The following TTC7B variants were observed in gnomAD, a reference collection of about 807,000 sequenced individuals.
TTC7B encodes tetratricopeptide repeat protein 7B.
Under a neutral mutation model 106.8 loss-of-function variants are expected in TTC7B, and 28 were observed. The ratio of observed to expected loss-of-function variants is 0.26; its 90% CI spans 0.19 to 0.36. The LOEUF (loss-of-function observed/expected upper bound fraction) is 0.36. Among genes scored for constraint, TTC7B ranks in the 10% least tolerant of loss-of-function variants. TTC7B has a pLI of 1.00. For synonymous variants in TTC7B, 405 were observed against 430.6 expected (o/e 0.94, Z 0.74); for missense variants, 862 against 1,076.4 (o/e 0.80, Z 2.79).
intron 19 of TTC7B, among the ~76,000 whole-genome samples, chr14:90,548,193 G>C (rs1425682965): frequency 6.6e-6 from 1 of 152,218 alleles, no homozygotes; most frequent in Non-Finnish European, 1.5e-5. Flanking sequence ...GCAGTGAGCT[G>C]TCCCTCACCA....
rs943365950 is a variant in TTC7B, at chr14:90,534,928, T to C, written c.*6440A>G. The C allele has an allele frequency of 1.3e-4, 20 of 152,440 alleles. No homozygotes were observed. The highest frequency in any genetic ancestry group is 4.8e-4 in the African/African-American group (20 of 41,372). The allele number at this position is 152,440 out of a possible 1,614,324, so 9.4% of individuals were successfully genotyped here. Reference sequence around the variant, plus strand: ...GAGTCTGGGCCCGCAATGATGACTGTGTGGCCGCCGGGGAGATGCGTGGGG... The same window carrying C: ...GAGTCTGGGCCCGCAATGATGACTGCGTGGCCGCCGGGGAGATGCGTGGGG... On this transcript the variant is annotated 3_prime_UTR_variant, in exon 20 of 20. Coordinates refer to ENST00000328459, the MANE Select transcript of TTC7B (RefSeq NM_001010854.2).
chr14:90,664,686 T>C (rs987228371), intron 9 of TTC7B, among the ~76,000 whole-genome samples: 4 of 152,184 alleles, frequency 2.6e-5, no homozygotes, highest in Admixed American at 6.5e-5. Flanking sequence ...CTTTAATCAC[T>C]CAAGCCCAGC....
intron 4 of TTC7B, among the ~76,000 whole-genome samples, chr14:90,738,099 AT>A (rs1889616487): frequency 6.6e-6 from 1 of 152,212 alleles, no homozygotes; most frequent in African/African-American, 2.4e-5. Flanking sequence ...CAGTAATGCT[AT>A]TTTTGAGAAA....
Position 90,663,600 on chromosome 14 carries a change from A to G in TTC7B, c.1153-5213T>C, listed in dbSNP as rs1385593887. On this transcript the variant is annotated intron_variant, in intron 9 of 19. Coordinates refer to ENST00000328459, the MANE Select transcript of TTC7B (RefSeq NM_001010854.2). The surrounding 1 kb of genome is among the most constrained non-coding windows in gnomAD (Gnocchi z 4.5). ...TGGTGCCACGTCTCCAGCCCATCGC[A>G]AAGTTCTCAATCGACAAAGATTACA... Among the ~76,000 whole-genome samples, 1 of 152,196 alleles carries G rather than the reference A, an allele frequency of 6.6e-6. No individual in the cohort carries two copies. The highest frequency in any genetic ancestry group is 1.5e-5 in the Non-Finnish European group (1 of 68,042).
In TTC7B at chr14:90,540,856, T is replaced by C. The variant is rs932591783; in HGVS notation, c.*512A>G. The C allele has an allele frequency of 1.3e-5, 2 of 154,910 alleles. No individual in the cohort carries two copies. Among genetic ancestry groups the C allele is most frequent in the Non-Finnish European group, 2.9e-5 (2 of 69,124 alleles). The allele number at this position is 154,910 out of a possible 1,614,324, so 9.6% of individuals were successfully genotyped here. A position where few individuals can be genotyped will look rare whatever the true frequency, so the allele number is the denominator to read the frequency against. On this transcript the variant is annotated 3_prime_UTR_variant, in exon 20 of 20. Transcript: ENST00000328459. The stretch of plus-strand genomic sequence containing the variant: ...AGTAATTGATCACATGGTACAATTA[T>C]TGACAGTAAAACCAAGAAATTGTCA...
At chr14:90,697,094 C>T (rs1204515645) in intron 5 of TTC7B, among the ~76,000 whole-genome samples, 2 of 152,130 alleles carry the variant, frequency 1.3e-5, no homozygotes, top group Non-Finnish European at 2.9e-5. Flanking sequence ...AGGGATGGTA[C>T]TTTGAATTGT....
intron 7 of TTC7B, among the ~76,000 whole-genome samples, chr14:90,684,345 T>C (rs10140229): frequency 0.81 from 122,602 of 152,068 alleles, 49,721 homozygotes; most frequent in East Asian, 0.97. Context: ...AAAAAAAGTA[T>C]GCCTGACTGA....
intron 5 of TTC7B, chr14:90,698,150 A>T (rs1286596168): frequency 3.3e-5 from 5 of 152,254 alleles, no homozygotes; most frequent in African/African-American, 9.6e-5. Flanking sequence ...TCTTCCAAAC[A>T]TGTTTAAATC....
At chr14:90,758,480 G>C (rs1333114979) in intron 3 of TTC7B, among the ~76,000 whole-genome samples, 1 of 151,206 alleles carries the variant, frequency 6.6e-6, no homozygotes, top group Non-Finnish European at 1.5e-5. Flanking sequence ...CGGGGCAGGG[G>C]GGGCACGGTC....
At chr14:90,792,315 G>A (rs954949692) in intron 1 of TTC7B, among the ~76,000 whole-genome samples, 1 of 152,138 alleles carries the variant, frequency 6.6e-6, no homozygotes, top group East Asian at 1.9e-4. Flanking sequence ...GGTGGCTCAC[G>A]CCTGTAATCT....
intron 1 of TTC7B, among the ~76,000 whole-genome samples, chr14:90,789,051 G>A (rs954499064): frequency 1.3e-5 from 2 of 151,994 alleles, no homozygotes; most frequent in Non-Finnish European, 2.9e-5. Context: ...ATAGACCAGT[G>A]CTGTTCAATA....
chr14:90,667,006 A>C (rs1010941152), intron 9 of TTC7B, among the ~76,000 whole-genome samples: 3 of 152,228 alleles, frequency 2.0e-5, no homozygotes, highest in Non-Finnish European at 4.4e-5. Context: ...TGCAAAATGC[A>C]GTGAATTCAC....
intron 4 of TTC7B, among the ~76,000 whole-genome samples, chr14:90,737,514 C>CAGCCATA (rs1889582764): frequency 6.6e-6 from 1 of 150,834 alleles, no homozygotes; most frequent in East Asian, 1.9e-4. Context: ...CCAAAGAAGC[C>CAGCCATA]AGCCATAAAA....
intron 9 of TTC7B, among the ~76,000 whole-genome samples, chr14:90,660,050 G>T (rs913443449): frequency 1.3e-5 from 2 of 152,008 alleles, no homozygotes; most frequent in South Asian, 4.2e-4. Flanking sequence ...TGAGGTGGGT[G>T]CTGGGAGGAA....
At chr14:90,605,126 T>A (rs1270560233) in intron 17 of TTC7B, among the ~76,000 whole-genome samples, 2 of 152,152 alleles carry the variant, frequency 1.3e-5, no homozygotes, top group Non-Finnish European at 2.9e-5. Flanking sequence ...TCTGTGTGGT[T>A]TTAACGCATG....
intron 18 of TTC7B, among the ~76,000 whole-genome samples, chr14:90,581,389 C>T (rs1258764134): frequency 1.3e-5 from 2 of 152,204 alleles, no homozygotes; most frequent in Non-Finnish European, 2.9e-5. Flanking sequence ...CCTCTCCCTT[C>T]TGGGAGACAA....
chr14:90,660,436 A>AGAAAC (rs1886155267), intron 9 of TTC7B, among the ~76,000 whole-genome samples: 1 of 151,246 alleles, frequency 6.6e-6, no homozygotes, highest in Non-Finnish European at 1.5e-5. Flanking sequence ...AGAAAAGAAA[A>AGAAAC]GAAAAAGAAA....
Position 90,528,846 on chromosome 14 carries a change from AC to A in TTC7B, c.*12521del, listed in dbSNP as rs1293063767. On this transcript the variant is annotated 3_prime_UTR_variant, in exon 20 of 20. Transcript: ENST00000328459. The stretch of plus-strand genomic sequence containing the variant: ...TACCTGTTTCTGATGGTGTGACATG[AC>A]TGCGCTTCGTTACCCATTTCCGATG... 1 of 152,916 alleles carries A rather than the reference AC, an allele frequency of 6.5e-6. No individual in the cohort carries two copies. The highest frequency in any genetic ancestry group is 1.5e-5 in the Non-Finnish European group (1 of 68,798). The allele number at this position is 152,916 out of a possible 1,614,324, so 9.5% of individuals were successfully genotyped here.
intron 5 of TTC7B, among the ~76,000 whole-genome samples, chr14:90,715,247 TG>T (rs1370239095): frequency 6.6e-6 from 1 of 152,194 alleles, no homozygotes; most frequent in Non-Finnish European, 1.5e-5. Context: ...GCTGGTATGT[TG>T]GGGCTCATGA....
Sources: gnomAD v4.1 joint callset for allele counts (sites outside exome capture counted in the v4.1 genomes callset) on GRCh38, gnomAD v4.1.1 for gene constraint, Gnocchi (gnomAD v3.1) non-coding constraint, MANE v1.5 for transcripts, NCBI Gene and HGNC (gene_info 2026-07-23, HGNC 2026-07-21) for gene names.